Variants in SAFB observed in about 807,000 individuals in gnomAD.
The protein encoded by SAFB is scaffold attachment factor B.
SAFB carries 15 observed loss-of-function variants against 101.6 expected under a neutral mutation model. That is an observed-to-expected ratio of 0.15 (90% CI 0.10 to 0.23). The LOEUF is 0.23. Among genes scored for constraint, SAFB ranks in the 10% least tolerant of loss-of-function variants. The pLI is 1.00. For synonymous variants in SAFB, 449 were observed against 407.5 expected (o/e 1.10, Z -1.23); for missense variants, 930 against 1,104.1 (o/e 0.84, Z 2.23).
In SAFB at chr19:5,667,797, G is replaced by A. The variant is rs772673643; in HGVS notation, c.2558-23G>A. The A allele has an allele frequency of 3.1e-6, 5 of 1,613,808 alleles. No homozygotes were observed. Among genetic ancestry groups the A allele is most frequent in the Admixed American group, 1.7e-5 (1 of 60,006 alleles). ...CACGCCGTGTGCGCAAGTTCCCTGT[G>A]TGAAAGCACGTCTGTCTTCCAGGTG... is the stretch of plus-strand genomic sequence containing the variant. On this transcript the variant is annotated intron_variant, in intron 19 of 20. Transcript: ENST00000588852. The surrounding 1 kb of genome is among the most constrained non-coding windows in gnomAD (Gnocchi z 4.0).
At chr19:5,656,657 A>G (rs909326867) in intron 13 of SAFB, among the ~76,000 whole-genome samples, 1 of 151,040 alleles carries the variant, frequency 6.6e-6, no homozygotes, top group South Asian at 2.1e-4. Context: ...GTTCACTGCA[A>G]CTACTGCCTC....
chr19:5,639,732 T>C (rs1055758962), intron 2 of SAFB, among the ~76,000 whole-genome samples: 21 of 151,408 alleles, frequency 1.4e-4, no homozygotes, highest in African/African-American at 4.6e-4. Context: ...ACTCAAAACC[T>C]GTAAACAAAA....
chr19:5,661,376 C>G, intron 14 of SAFB, 142 bp from the exon 15 acceptor site: 2 of 1,444,910 alleles, frequency 1.4e-6, no homozygotes, highest in Non-Finnish European at 1.8e-6. Flanking sequence ...AAGCCTTCTT[C>G]CCGCTGGAGT....
In SAFB at chr19:5,667,920, T is replaced by G. The variant is rs757915615; in HGVS notation, c.2624+34T>G. ...TGCTGGGGGCGGCGCCCCTTCCCCC[T>G]GCTTTGCATATTGGCCTACCTTGCT... On this transcript the variant is annotated intron_variant, in intron 20 of 20. Transcript: ENST00000588852. The surrounding 1 kb of genome is among the most constrained non-coding windows in gnomAD (Gnocchi z 4.0). 17 of 1,566,020 alleles carry G rather than the reference T, an allele frequency of 1.1e-5. No individual in the cohort carries two copies. Among genetic ancestry groups the G allele is most frequent in the Middle Eastern group, 1.7e-4 (1 of 5,826 alleles).
intron 6 of SAFB, 25 bp downstream of exon 6, chr19:5,648,068 A>C (rs1428676981): frequency 4.4e-6 from 7 of 1,597,776 alleles, no homozygotes; most frequent in Non-Finnish European, 3.4e-6. Flanking sequence ...AAAACTTACC[A>C]GCGGGGGTTT....
intron 2 of SAFB, among the ~76,000 whole-genome samples, chr19:5,632,435 T>C (rs78626300): frequency 0.017 from 2,563 of 152,306 alleles, 42 homozygotes; most frequent in East Asian, 0.027. Flanking sequence ...GTAAGGATAT[T>C]ACCTAACTGT....
chr19:5,651,581 C>G (rs1280754887), intron 9 of SAFB, among the ~76,000 whole-genome samples: 1 of 152,210 alleles, frequency 6.6e-6, no homozygotes, highest in African/African-American at 2.4e-5. Context: ...GGGGGCAGTT[C>G]TAGTGGCCTC....
intron 14 of SAFB, 86 bp from the exon 15 acceptor site, chr19:5,661,432 G>C (rs1017061729): frequency 6.4e-7 from 1 of 1,566,762 alleles, no homozygotes; most frequent in Non-Finnish European, 8.6e-7. Flanking sequence ...CCTGGAGTCT[G>C]TGCGACCCAG....
intron 13 of SAFB, among the ~76,000 whole-genome samples, chr19:5,656,342 G>T (rs1253279562): frequency 6.6e-6 from 1 of 152,014 alleles, no homozygotes; most frequent in East Asian, 1.9e-4. Flanking sequence ...CACAATCTCA[G>T]CTCACTGCAA....
chr19:5,643,335 T>C (rs930692487), intron 4 of SAFB, among the ~76,000 whole-genome samples: 4 of 152,214 alleles, frequency 2.6e-5, no homozygotes, highest in African/African-American at 4.8e-5. Flanking sequence ...AGAAACCTTG[T>C]TGTATGCCAG....
intron 2 of SAFB, among the ~76,000 whole-genome samples, chr19:5,630,221 G>A (rs186239799): frequency 6.6e-5 from 10 of 152,188 alleles, no homozygotes; most frequent in East Asian, 1.9e-4. Flanking sequence ...TGAGATTTTC[G>A]TTTGCATTTC....
intron 4 of SAFB, among the ~76,000 whole-genome samples, chr19:5,644,454 T>C (rs1599347003): frequency 2.0e-5 from 3 of 152,296 alleles, no homozygotes; most frequent in East Asian, 3.9e-4. Context: ...GGTGCAGATG[T>C]CTAAGGGGAG....
intron 15 of SAFB, among the ~76,000 whole-genome samples, chr19:5,663,499 A>G (rs1480975750): frequency 2.6e-5 from 4 of 152,236 alleles, no homozygotes; most frequent in Non-Finnish European, 4.4e-5. Flanking sequence ...CAGGTCATAT[A>G]TACAATGCAA....
chr19:5,660,310 C>CTT (rs578193077), intron 14 of SAFB, among the ~76,000 whole-genome samples: 3 of 66,474 alleles, frequency 4.5e-5, no homozygotes, highest in Admixed American at 1.7e-4. Flanking sequence ...CACTGAGGTG[C>CTT]TTTTTTTTTT....
intron 1 of SAFB, among the ~76,000 whole-genome samples, chr19:5,624,223 CTTTT>C (rs551426304): frequency 1.4e-5 from 2 of 138,672 alleles, no homozygotes; most frequent in Admixed American, 7.2e-5. Flanking sequence ...CTTTTCTATT[CTTTT>C]TTTTTTTTTT....
At position 5,641,835 on chromosome 19, in the gene SAFB, A is replaced by C; in HGVS notation, c.435A>C (p.Ala145=). ...CAGAAATTGATAATGGAAGCGTTGCAGATTGTGTCGAAGACGATGATGCTG... is the reference window on the plus strand; with the variant it reads ...CAGAAATTGATAATGGAAGCGTTGCCGATTGTGTCGAAGACGATGATGCTG... ...DEAEIDNGSV[A]DCVEDDDADN... Residue 145 remains alanine (A), a synonymous_variant, in exon 4 of 21, where the codon GCA becomes GCC. Transcript: ENST00000588852. 6.2e-7 allele frequency: 1 copy of C among 1,614,130 alleles called. No homozygotes were observed. The highest frequency in any genetic ancestry group is 8.5e-7 in the Non-Finnish European group (1 of 1,179,994).
chr19:5,661,560 G>T lies in SAFB; in HGVS notation c.1905G>T (p.Ala635=). 1 of 1,613,094 alleles carries T rather than the reference G, an allele frequency of 6.2e-7. No homozygotes were observed. Among genetic ancestry groups the T allele is most frequent in the Non-Finnish European group, 8.5e-7 (1 of 1,179,916 alleles). Reference sequence around the variant, plus strand: ...GTGAACGCGAACAACGCATGCAGGCGCAGTGGGAGCGCGAGGAGCGTGAGC... The same window carrying T: ...GTGAACGCGAACAACGCATGCAGGCTCAGTGGGAGCGCGAGGAGCGTGAGC... The part of the protein sequence containing the change: ...ERSEREQRMQ[A]QWEREERERL... Residue 635 remains alanine (A), a synonymous_variant, in exon 15 of 21, where the codon GCG becomes GCT. Transcript: ENST00000588852.
chr19:5,660,708 A>G (rs1237917011), intron 14 of SAFB, among the ~76,000 whole-genome samples: 2 of 132,596 alleles, frequency 1.5e-5, no homozygotes, highest in Non-Finnish European at 1.5e-5. Flanking sequence ...CTCTACCAAA[A>G]AAAAAAAAAA....
rs750568492 is a variant in SAFB at position 5,653,282 on chromosome 19, TC to T, written c.1443+21del. Reference sequence around the variant, plus strand: ...TGGAGAAAGTGAGTGGCCGTTTTCTTCCCAGGATATAGCCCACATTAGGAAA... The same window carrying T: ...TGGAGAAAGTGAGTGGCCGTTTTCTTCCAGGATATAGCCCACATTAGGAAA... On this transcript the variant is annotated intron_variant, in intron 10 of 20. Transcript: ENST00000588852. The T allele has an allele frequency of 1.9e-6, 3 of 1,613,972 alleles. No individual in the cohort carries two copies. In the African/African-American group the frequency reaches 4.0e-5, roughly 22 times the overall value.
Sources: allele counts gnomAD v4.1 joint callset (sites outside exome capture counted in the v4.1 genomes callset), GRCh38; gene constraint gnomAD v4.1.1; non-coding constraint Gnocchi (gnomAD v3.1); transcripts MANE v1.5; gene names NCBI Gene and HGNC (gene_info 2026-07-23, HGNC 2026-07-21).